Variants in RBM27 observed in about 807,000 individuals in gnomAD.
RBM27 encodes the protein RNA-binding protein 27.
A neutral mutation model predicts 135.3 loss-of-function variants in RBM27; 22 were observed. The ratio of observed to expected loss-of-function variants is 0.16; its 90% CI spans 0.12 to 0.23. The LOEUF (loss-of-function observed/expected upper bound fraction) is 0.23, where lower values mean the gene tolerates loss of function less well. RBM27 is among the 10% of genes least tolerant of loss of function. RBM27 has a pLI of 1.00. For synonymous variants in RBM27, 481 were observed against 442.4 expected (o/e 1.09, Z -1.10); for missense variants, 1,009 against 1,281.0 (o/e 0.79, Z 3.24).
intron 8 of RBM27, 70 bp downstream of exon 8, chr5:146,237,502 C>A (rs997264313): frequency 1.3e-6 from 2 of 1,487,710 alleles, no homozygotes; most frequent in African/African-American, 1.4e-5. Flanking sequence ...ATCAGTATAA[C>A]CCTTTAAAAA....
intron 11 of RBM27, among the ~76,000 whole-genome samples, chr5:146,259,895 C>T (rs2126847446): frequency 6.8e-6 from 1 of 146,760 alleles, no homozygotes; most frequent in African/African-American, 2.5e-5. Flanking sequence ...ATGGCGTGAA[C>T]CCGGGAAGCA....
In RBM27 at chr5:146,230,673, G is replaced by A. The variant is rs375522779; in HGVS notation, c.606G>A (p.Ser202=). 13 of 1,613,968 alleles carry A rather than the reference G, an allele frequency of 8.1e-6. No homozygotes were observed. Among genetic ancestry groups the A allele is most frequent in the South Asian group, 3.3e-5 (3 of 91,048 alleles). Residue 202 remains serine, a synonymous_variant, in exon 6 of 21, where the codon TCG becomes TCA. Coordinates refer to ENST00000265271, the MANE Select transcript of RBM27 (RefSeq NM_018989.2). ...TCCAAGTAGAGCACAGGGAAAGATC[G>A]AAGTTTAAGAGTGAAAGGAATGACC... ...PNRNVEHRER[S]KFKSERNDLE...
chr5:146,277,456 A>G (rs1759137162), intron 19 of RBM27, among the ~76,000 whole-genome samples: 1 of 151,836 alleles, frequency 6.6e-6, no homozygotes, highest in Non-Finnish European at 1.5e-5. Context: ...GTTGTTTACC[A>G]TTTAACTATT....
chr5:146,208,230 A>T (rs1401629876), intron 1 of RBM27, among the ~76,000 whole-genome samples: 2 of 152,208 alleles, frequency 1.3e-5, no homozygotes, highest in Non-Finnish European at 2.9e-5. Context: ...CTGGGATTAC[A>T]GGCGTGAGCC....
intron 15 of RBM27, 27 bp from the exon 16 acceptor site, chr5:146,269,180 G>A: frequency 6.6e-7 from 1 of 1,514,948 alleles, no homozygotes; most frequent in Non-Finnish European, 9.1e-7. Flanking sequence ...TACATTATCT[G>A]TATTAATTTC....
At chr5:146,250,187 C>T (rs1309334820) in intron 8 of RBM27, among the ~76,000 whole-genome samples, 8 of 151,858 alleles carry the variant, frequency 5.3e-5, no homozygotes, top group African/African-American at 7.3e-5. Flanking sequence ...GCGCTGGGTC[C>T]GGTGGCACTT....
chr5:146,259,285 G>T (rs1047413593), intron 11 of RBM27, among the ~76,000 whole-genome samples: 3 of 151,940 alleles, frequency 2.0e-5, no homozygotes, highest in African/African-American at 7.3e-5. Context: ...GGAGGCCAAG[G>T]CGGGTGGATC....
chr5:146,235,048 A>ATAAATAAAT (rs1757100230), intron 7 of RBM27, among the ~76,000 whole-genome samples: 1 of 150,506 alleles, frequency 6.6e-6, no homozygotes, highest in South Asian at 2.1e-4. Context: ...AAATAAATAA[A>ATAAATAAAT]TAAATAAATA....
intron 3 of RBM27, among the ~76,000 whole-genome samples, chr5:146,228,581 C>G (rs745883914): frequency 6.6e-6 from 1 of 151,176 alleles, no homozygotes; most frequent in Non-Finnish European, 1.5e-5. Context: ...TGCGCCCGGC[C>G]GAGAGGGACC....
intron 14 of RBM27, among the ~76,000 whole-genome samples, chr5:146,266,419 TGGG>T (rs1561560463): frequency 6.6e-6 from 1 of 152,116 alleles, no homozygotes; most frequent in Non-Finnish European, 1.5e-5. Context: ...CCATTTCAAA[TGGG>T]GGGAAATTGT....
chr5:146,235,231 C>T (rs946240401), intron 7 of RBM27, among the ~76,000 whole-genome samples: 3 of 152,006 alleles, frequency 2.0e-5, no homozygotes, highest in Admixed American at 2.0e-4. Flanking sequence ...TGATCCTGAG[C>T]TTCCCTGCAG....
intron 1 of RBM27, among the ~76,000 whole-genome samples, chr5:146,205,275 G>A (rs1248105688): frequency 1.3e-5 from 2 of 152,180 alleles, no homozygotes; most frequent in East Asian, 1.9e-4. Flanking sequence ...TTACTGGAAG[G>A]GAAAGAATCA....
chr5:146,237,525 T>G lies in RBM27; in HGVS notation c.1279+93T>G. On this transcript the variant is annotated intron_variant, in intron 8 of 20. Transcript: ENST00000265271. ...AACCCTTTAAAAAATGGTAAATAGT[T>G]TCTGTTCTTATGGATTCTAAAAATT... 2.2e-6 allele frequency: 3 copies of G among 1,377,524 alleles called. No individual in the cohort carries two copies. In the South Asian group the frequency reaches 3.9e-5, roughly 18 times the overall value. The allele number at this position is 1,377,524 out of a possible 1,614,324, so 85.3% of individuals were successfully genotyped here. A position where few individuals can be genotyped will look rare whatever the true frequency, so the allele number is the denominator to read the frequency against.
chr5:146,268,504 A>C (rs1283112718), intron 15 of RBM27, among the ~76,000 whole-genome samples: 1 of 152,076 alleles, frequency 6.6e-6, no homozygotes, highest in East Asian at 1.9e-4. Context: ...GGCTTCCCAA[A>C]GTGCTGGGAT....
At chr5:146,271,920 T>C (rs1317559664) in intron 19 of RBM27, among the ~76,000 whole-genome samples, 1 of 152,204 alleles carries the variant, frequency 6.6e-6, no homozygotes, top group East Asian at 1.9e-4. Flanking sequence ...TTAATTTTTG[T>C]TTTAGGATTA....
intron 1 of RBM27, among the ~76,000 whole-genome samples, chr5:146,205,365 A>G (rs969282239): frequency 8.6e-5 from 13 of 150,386 alleles, no homozygotes; most frequent in Admixed American, 4.6e-4. Flanking sequence ...AAGGGGTAGA[A>G]GAAGAGATGG....
At position 146,261,254 on chromosome 5, in the gene RBM27, A is replaced by G. The variant is rs1758383643; in HGVS notation, c.1894-256A>G. On this transcript the variant is annotated intron_variant, in intron 12 of 20. Transcript: ENST00000265271. ...TCTTGTGTTCTCACATGGCAGACAG[A>G]GAAAGAGAAAGAGGGGGTCAGGGCA... 3 of 555,156 alleles carry G rather than the reference A, an allele frequency of 5.4e-6. No individual in the cohort carries two copies. The South Asian group carries it at 7.2e-5, about 13-fold the overall frequency. 34.4% of individuals were successfully genotyped at this position (555,156 alleles called of 1,614,324 possible). A position where few individuals can be genotyped will look rare whatever the true frequency, so the allele number is the denominator to read the frequency against.
chr5:146,217,614 C>G lies in RBM27; in HGVS notation c.60-1371C>G, dbSNP rs141740136. Among the ~76,000 whole-genome samples, 1,372 of 151,202 alleles carry G rather than the reference C, an allele frequency of 9.1e-3. 21 individuals are homozygous for G. Among genetic ancestry groups the G allele is most frequent in the African/African-American group, 0.032 (1,302 of 41,226 alleles). ...CTCAGCCTCCCAAGTGAGCTGAAAC[C>G]TTTTAACTTTCTGGCTGCTAGTGAA... On this transcript the variant is annotated intron_variant, in intron 1 of 20. Transcript: ENST00000265271.
At chr5:146,269,122 C>G (rs1244113301) in intron 15 of RBM27, 85 bp from the exon 16 acceptor site, 1 of 843,692 alleles carries the variant, frequency 1.2e-6, no homozygotes, top group Non-Finnish European at 1.9e-6. Context: ...GGAGGACAGT[C>G]TGTCTCAGGG....
Sources: allele counts gnomAD v4.1 joint callset (sites outside exome capture counted in the v4.1 genomes callset), GRCh38; gene constraint gnomAD v4.1.1; transcripts MANE v1.5; gene names NCBI Gene and HGNC (gene_info 2026-07-23, HGNC 2026-07-21).